The following MIGA1 variants were observed in gnomAD, a reference collection of about 807,000 sequenced individuals.
The protein encoded by MIGA1 is family with sequence similarity 73, member A.
MIGA1 carries 58 observed loss-of-function variants against 82.0 expected under a neutral mutation model. That is an observed-to-expected ratio of 0.71 (90% CI 0.57 to 0.88). MIGA1 has a LOEUF of 0.88. Ranked by LOEUF, MIGA1 falls within the 40% of genes least tolerant of loss-of-function variation. MIGA1 has a pLI of 0.00. For missense variants in MIGA1, 751 were observed against 749.1 expected (o/e 1.00, Z -0.03); for synonymous variants, 249 against 253.6 (o/e 0.98, Z 0.17).
chr1:77,798,706 GTAT>G (rs1682759052), intron 2 of MIGA1, among the ~76,000 whole-genome samples: 1 of 152,140 alleles, frequency 6.6e-6, no homozygotes, highest in Non-Finnish European at 1.5e-5. Flanking sequence ...TCCCCTTTGT[GTAT>G]TTATGGCTTA....
At chr1:77,809,274 A>G (rs967543806) in intron 5 of MIGA1, among the ~76,000 whole-genome samples, 4 of 152,186 alleles carry the variant, frequency 2.6e-5, no homozygotes, top group African/African-American at 9.6e-5. Context: ...ATCTGTTTCA[A>G]TTCTCTTTAT....
At chr1:77,820,576 A>AC (rs140349989) in intron 7 of MIGA1, among the ~76,000 whole-genome samples, 2,379 of 152,266 alleles carry the variant, frequency 0.016, 16 homozygotes, top group Non-Finnish European at 0.026. Flanking sequence ...ACTCAGGAAG[A>AC]CCATCATTTT....
intron 15 of MIGA1, 78 bp downstream of exon 15, chr1:77,873,198 C>G: frequency 7.2e-7 from 1 of 1,394,072 alleles, no homozygotes; most frequent in Non-Finnish European, 9.9e-7. Context: ...TTTTGTTTTG[C>G]TTTTGTAGAA....
In MIGA1 at chr1:77,801,484, A is replaced by G. The variant is rs145668210; in HGVS notation, c.349A>G (p.Thr117Ala). 1 of 1,600,654 alleles carries G rather than the reference A, an allele frequency of 6.2e-7. No homozygotes were observed. Among genetic ancestry groups the G allele is most frequent in the Admixed American group, 1.8e-5 (1 of 55,090 alleles). ...ACCAGAGCACCTCATACTTGAATAC[A>G]CTAAAAGAGCAGCATCAGACAAAGG... Residue 117 changes from threonine to alanine, a missense_variant, in exon 3 of 16, where the codon ACT becomes GCT. Physicochemically the swap from Thr to Ala is moderately conservative, Grantham distance 58. Coordinates refer to ENST00000370791, the MANE Select transcript of MIGA1 (RefSeq NM_198549.4).
At chr1:77,831,342 GT>G (rs1290245457) in intron 7 of MIGA1, among the ~76,000 whole-genome samples, 1 of 152,134 alleles carries the variant, frequency 6.6e-6, no homozygotes, top group African/African-American at 2.4e-5. Context: ...GCTTTGAAAA[GT>G]GGCTATAAAT....
At chr1:77,820,856 A>G in intron 7 of MIGA1, among the ~76,000 whole-genome samples, 1 of 152,226 alleles carries the variant, frequency 6.6e-6, no homozygotes, top group Non-Finnish European at 1.5e-5. Context: ...ACATTAGGCC[A>G]GGCATGGTGG....
chr1:77,838,629 G>A (rs1263643813), intron 7 of MIGA1, among the ~76,000 whole-genome samples: 30 of 152,038 alleles, frequency 2.0e-4, no homozygotes, highest in Admixed American at 1.9e-3. Context: ...TGTATTTTTT[G>A]TAGAGGCATG....
chr1:77,874,589 CT>C (rs1646879179), intron 15 of MIGA1, among the ~76,000 whole-genome samples: 1 of 151,952 alleles, frequency 6.6e-6, no homozygotes, highest in Admixed American at 6.6e-5. Flanking sequence ...CATAGGTTAT[CT>C]TTTTTGATCA....
intron 3 of MIGA1, among the ~76,000 whole-genome samples, chr1:77,802,409 A>G (rs1166024270): frequency 1.3e-5 from 2 of 152,208 alleles, no homozygotes; most frequent in Non-Finnish European, 2.9e-5. Flanking sequence ...TGCAAAAGCT[A>G]AGTGACTTGC....
intron 7 of MIGA1, among the ~76,000 whole-genome samples, chr1:77,822,835 GTTTTTTTTTTTT>G (rs752488187): frequency 9.1e-6 from 1 of 109,378 alleles, no homozygotes; most frequent in Non-Finnish European, 1.9e-5. Context: ...CTTTCAGCAT[GTTTTTTTTTTTT>G]TTTTTTTTTT....
At chr1:77,788,835 G>A (rs997062393) in intron 2 of MIGA1, among the ~76,000 whole-genome samples, 9 of 152,120 alleles carry the variant, frequency 5.9e-5, no homozygotes, top group African/African-American at 2.2e-4. Context: ...TTGAAATTAG[G>A]AAATGTGAGT....
At chr1:77,790,799 G>T (rs1315003709) in intron 2 of MIGA1, among the ~76,000 whole-genome samples, 3 of 150,130 alleles carry the variant, frequency 2.0e-5, no homozygotes, top group Non-Finnish European at 4.4e-5. Flanking sequence ...TGTTGGCCAG[G>T]TTCGTCCCAA....
At chr1:77,866,108 G>T (rs763353612) in intron 13 of MIGA1, among the ~76,000 whole-genome samples, 43 of 152,010 alleles carry the variant, frequency 2.8e-4, no homozygotes, top group Non-Finnish European at 5.3e-4. Context: ...GTAGAGATGG[G>T]GTTTCACCGT....
At chr1:77,868,603 C>T (rs1456277762) in intron 14 of MIGA1, 2 of 152,226 alleles carry the variant, frequency 1.3e-5, no homozygotes, top group Non-Finnish European at 1.5e-5. Context: ...ATGCCAAATT[C>T]CCTCTGTACT....
At chr1:77,782,954 C>T (rs1681988787) in intron 1 of MIGA1, 9 of 819,988 alleles carry the variant, frequency 1.1e-5, no homozygotes, top group South Asian at 1.1e-4. Flanking sequence ...ATCTAGAACT[C>T]GCAATTTCCT....
chr1:77,781,928 T>G (rs147583830), intron 1 of MIGA1, among the ~76,000 whole-genome samples: 1 of 151,860 alleles, frequency 6.6e-6, no homozygotes, highest in Non-Finnish European at 1.5e-5. Context: ...TATTGGAGTA[T>G]AGAAAAAGAG....
Position 77,834,538 on chromosome 1 carries a change from T to C in MIGA1, c.896-8769T>C, listed in dbSNP as rs144125970. Among the ~76,000 whole-genome samples, 9 of 152,338 alleles carry C rather than the reference T, an allele frequency of 5.9e-5. No individual in the cohort carries two copies. In the East Asian group the frequency reaches 1.5e-3, roughly 26 times the overall value. On this transcript the variant is annotated intron_variant, in intron 7 of 15. Transcript: ENST00000370791. ...TTTCTCTTTTCAATATTGAGGCACA[T>C]TGAGGTTAAAAATCAAGAAAATATT...
At chr1:77,851,084 G>A (rs1011719839) in intron 8 of MIGA1, among the ~76,000 whole-genome samples, 1 of 152,100 alleles carries the variant, frequency 6.6e-6, no homozygotes, top group Non-Finnish European at 1.5e-5. Flanking sequence ...TGGCCAGGCT[G>A]GTCTTGAACT....
chr1:77,863,529 A>G (rs1413954806), intron 12 of MIGA1, among the ~76,000 whole-genome samples: 1 of 152,220 alleles, frequency 6.6e-6, no homozygotes, highest in Non-Finnish European at 1.5e-5. Context: ...TAGAGTGTGT[A>G]TGTATGAATG....
Sources: gnomAD v4.1 joint callset for allele counts (sites outside exome capture counted in the v4.1 genomes callset) on GRCh38, gnomAD v4.1.1 for gene constraint, MANE v1.5 for transcripts, NCBI Gene and HGNC (gene_info 2026-07-23, HGNC 2026-07-21) for gene names.